Variants in TTC28 observed in about 807,000 individuals in gnomAD.
The protein encoded by TTC28 is tetratricopeptide repeat domain 28.
In TTC28, 61 loss-of-function variants were observed where a neutral mutation model predicts 198.0. That is an observed-to-expected ratio of 0.31 (90% CI 0.25 to 0.38). The LOEUF (loss-of-function observed/expected upper bound fraction) is 0.38, where lower values mean the gene tolerates loss of function less well. Ranked by LOEUF, TTC28 falls within the 10% of genes least tolerant of loss-of-function variation. The pLI, the probability that TTC28 is intolerant of heterozygous loss-of-function variation, is 1.00. For synonymous variants in TTC28, 1,171 were observed against 1,297.8 expected (o/e 0.90, Z 2.10); for missense variants, 2,678 against 3,164.0 (o/e 0.85, Z 3.69).
intron 12 of TTC28, 71 bp downstream of exon 12, chr22:28,094,009 A>G (rs533930516): frequency 7.0e-7 from 1 of 1,424,232 alleles, no homozygotes; most frequent in South Asian, 1.5e-5. Flanking sequence ...GTTAGCTCAA[A>G]TAGGATGTTT....
intron 5 of TTC28, among the ~76,000 whole-genome samples, chr22:28,221,699 C>T (rs1438934401): frequency 6.6e-6 from 1 of 152,142 alleles, no homozygotes; most frequent in African/African-American, 2.4e-5. Flanking sequence ...CCTCTGTTTA[C>T]TTTCCCTAAA....
At chr22:28,510,323 A>G (rs116544916) in intron 2 of TTC28, among the ~76,000 whole-genome samples, 2,425 of 152,274 alleles carry the variant, frequency 0.016, 85 homozygotes, top group African/African-American at 0.056. Context: ...ATCAACCACA[A>G]TGAAGTTGGC....
chr22:28,094,049 A>C (rs1383685712), intron 12 of TTC28, 31 bp downstream of exon 12: 2 of 1,496,270 alleles, frequency 1.3e-6, no homozygotes, highest in Non-Finnish European at 1.8e-6. Context: ...GATTTATCTG[A>C]AAATGGACTT....
At chr22:28,032,271 T>TATATATATAAAATATATATATATATATA (rs1569095159) in intron 12 of TTC28, among the ~76,000 whole-genome samples, 5 of 94,410 alleles carry the variant, frequency 5.3e-5, no homozygotes, top group African/African-American at 1.7e-4. Flanking sequence ...ATATATAGTG[T>TATATATATAAAATATATATATATATATA]GTGTGTGTGT....
At chr22:28,037,232 CAATATCCCT>C (rs1939397787) in intron 12 of TTC28, among the ~76,000 whole-genome samples, 1 of 152,114 alleles carries the variant, frequency 6.6e-6, no homozygotes, top group African/African-American at 2.4e-5. Flanking sequence ...AATTTTAGGC[CAATATCCCT>C]GACGACCATC....
At chr22:28,219,252 T>C (rs1005200000) in intron 5 of TTC28, among the ~76,000 whole-genome samples, 3 of 152,180 alleles carry the variant, frequency 2.0e-5, no homozygotes, top group African/African-American at 7.2e-5. Flanking sequence ...CTCACGCCTG[T>C]AATCCCAACA....
intron 2 of TTC28, among the ~76,000 whole-genome samples, chr22:28,399,080 T>C (rs2046861640): frequency 6.6e-6 from 1 of 151,820 alleles, no homozygotes; most frequent in Non-Finnish European, 1.5e-5. Flanking sequence ...TGCAATGGTG[T>C]TGATCCTAAT....
At chr22:28,084,809 T>A (rs965273542) in intron 12 of TTC28, among the ~76,000 whole-genome samples, 13 of 151,688 alleles carry the variant, frequency 8.6e-5, no homozygotes, top group African/African-American at 3.2e-4. Context: ...TGCAGAGAAG[T>A]CCTCAAAGGA....
At chr22:28,380,066 A>G (rs893828535) in intron 2 of TTC28, among the ~76,000 whole-genome samples, 1 of 113,428 alleles carries the variant, frequency 8.8e-6, no homozygotes, top group African/African-American at 2.6e-5. Flanking sequence ...TTAACATTAA[A>G]GAAAGCTAGG....
chr22:28,334,888 G>C (rs134491), intron 2 of TTC28, among the ~76,000 whole-genome samples: 40,663 of 152,032 alleles, frequency 0.27, 5,692 homozygotes, highest in East Asian at 0.39. Context: ...TTTGGCTTTT[G>C]TTGCCATTGC....
At chr22:28,245,809 C>A (rs1000093431) in intron 5 of TTC28, among the ~76,000 whole-genome samples, 4 of 152,192 alleles carry the variant, frequency 2.6e-5, no homozygotes, top group Non-Finnish European at 5.9e-5. Context: ...AGCTCTTCAA[C>A]CTGGCCAGTA....
chr22:28,251,756 C>T (rs1026704069), intron 5 of TTC28, among the ~76,000 whole-genome samples: 2 of 152,066 alleles, frequency 1.3e-5, no homozygotes, highest in African/African-American at 2.4e-5. Flanking sequence ...TGTTTTGAAA[C>T]ATTAAAAGGG....
At position 28,257,739 on chromosome 22, in the gene TTC28, C is replaced by CATATATATATATATAT. The variant is rs66590909; in HGVS notation, c.933+38443_933+38458dup. Among the ~76,000 whole-genome samples the CATATATATATATATAT allele has an allele frequency of 1.6e-3, 157 of 96,468 alleles. 3 individuals carry two copies. Among genetic ancestry groups the CATATATATATATATAT allele is most frequent in the East Asian group, 2.5e-3 (7 of 2,838 alleles). The allele number at this position is 96,468 out of a possible 152,430, so 63.3% of individuals were successfully genotyped here. ...TTACCATCTTTAGATGGTAATAGAA[C>CATATATATATATATAT]ATATATATATATATATATATATATA... On this transcript the variant is annotated intron_variant, in intron 5 of 22. Coordinates refer to ENST00000397906, the MANE Select transcript of TTC28 (RefSeq NM_001145418.2).
chr22:28,242,213 G>A (rs375080203), intron 5 of TTC28, among the ~76,000 whole-genome samples: 6 of 152,050 alleles, frequency 3.9e-5, no homozygotes, highest in Non-Finnish European at 7.4e-5. Flanking sequence ...AGCATTCCCC[G>A]GCCCTTTACT....
chr22:28,492,299 CA>C (rs954409007), intron 2 of TTC28, among the ~76,000 whole-genome samples: 11 of 150,540 alleles, frequency 7.3e-5, no homozygotes, highest in African/African-American at 1.9e-4. Context: ...AATTAAAAGA[CA>C]AAAAAAAGAG....
chr22:28,429,602 T>C (rs2047402974), intron 2 of TTC28, among the ~76,000 whole-genome samples: 2 of 152,334 alleles, frequency 1.3e-5, no homozygotes, highest in South Asian at 4.1e-4. Flanking sequence ...GTCTCCCATC[T>C]AGACATATGT....
intron 5 of TTC28, among the ~76,000 whole-genome samples, chr22:28,228,452 C>T (rs907544719): frequency 6.6e-6 from 1 of 152,154 alleles, no homozygotes; most frequent in Non-Finnish European, 1.5e-5. Context: ...GTAATCCCAG[C>T]ACTTTGGAAG....
chr22:28,181,304 C>T (rs2147104842), intron 5 of TTC28, among the ~76,000 whole-genome samples: 1 of 152,224 alleles, frequency 6.6e-6, no homozygotes, highest in African/African-American at 2.4e-5. Context: ...ATGTCCTTTG[C>T]AGATGTAAAT....
chr22:28,326,903 T>C (rs59857609), intron 2 of TTC28, among the ~76,000 whole-genome samples: 4,626 of 152,040 alleles, frequency 0.03, 245 homozygotes, highest in African/African-American at 0.11. Context: ...GTTTTAAATA[T>C]ATTATACTAA....
Sources: allele counts gnomAD v4.1 joint callset (sites outside exome capture counted in the v4.1 genomes callset), GRCh38; gene constraint gnomAD v4.1.1; transcripts MANE v1.5; gene names NCBI Gene and HGNC (gene_info 2026-07-23, HGNC 2026-07-21).